SORBS2: variants seen among roughly 807,000 people sequenced by gnomAD.
The protein encoded by SORBS2 is sorbin and SH3 domain containing 2, also known as sorbin and SH3 domain-containing protein 2.
In SORBS2, 46 loss-of-function variants were observed where a neutral mutation model predicts 97.7. The observed-to-expected ratio is 0.47, with a 90% CI of 0.37 to 0.60. SORBS2 has a LOEUF of 0.60. Among genes scored for constraint, SORBS2 ranks in the 20% least tolerant of loss-of-function variants. SORBS2 has a pLI of 0.00. For synonymous variants in SORBS2, 476 were observed against 473.4 expected, an observed-to-expected ratio of 1.01 and a Z score of -0.07; for missense variants, 1,316 against 1,282.3, an observed-to-expected ratio of 1.03 and a Z score of -0.40.
chr4:185,914,560 G>A (rs1367287636), intron 1 of SORBS2, among the ~76,000 whole-genome samples: 2 of 152,140 alleles, frequency 1.3e-5, no homozygotes, highest in African/African-American at 4.8e-5. Flanking sequence ...CTGGGATTTG[G>A]GGCTGAAAGG....
intron 1 of SORBS2, among the ~76,000 whole-genome samples, chr4:185,790,427 A>G (rs986276629): frequency 4.6e-5 from 7 of 152,228 alleles, no homozygotes; most frequent in Non-Finnish European, 8.8e-5. Context: ...TGGCTCTACA[A>G]GTACAATACG....
chr4:185,665,265 A>G (rs2097579813), intron 4 of SORBS2, among the ~76,000 whole-genome samples: 1 of 152,204 alleles, frequency 6.6e-6, no homozygotes, highest in African/African-American at 2.4e-5. Context: ...AGGAACAAGA[A>G]AAATTAGCCT....
chr4:185,843,842 C>A (rs1402063307), intron 1 of SORBS2, among the ~76,000 whole-genome samples: 2 of 152,178 alleles, frequency 1.3e-5, no homozygotes, highest in Non-Finnish European at 2.9e-5. Context: ...AAAATCCCAG[C>A]AAGCTATTTT....
intron 4 of SORBS2, chr4:185,666,101 G>A (rs1228305363): frequency 7.8e-7 from 1 of 1,289,764 alleles, no homozygotes; most frequent in South Asian, 1.2e-5. Flanking sequence ...CGGTTCAAAG[G>A]TACCACGGAA....
chr4:185,871,061 T>C (rs6830105), intron 1 of SORBS2, among the ~76,000 whole-genome samples: 31,238 of 152,132 alleles, frequency 0.21, 3,962 homozygotes, highest in East Asian at 0.54. Flanking sequence ...AAGCAATTAG[T>C]ATGCACCTTT....
intron 2 of SORBS2, chr4:185,774,891 G>A (rs2098992644): frequency 6.8e-6 from 1 of 147,540 alleles, no homozygotes; most frequent in Admixed American, 6.8e-5. Flanking sequence ...TAATGCCCCT[G>A]GAAAGTTAAA....
chr4:185,893,290 C>T (rs1337883078), intron 1 of SORBS2, among the ~76,000 whole-genome samples: 2 of 152,178 alleles, frequency 1.3e-5, no homozygotes, highest in African/African-American at 4.8e-5. Context: ...ATCATAACAT[C>T]TGCGAGTGTG....
chr4:185,768,360 T>C (rs1285094489), intron 2 of SORBS2, among the ~76,000 whole-genome samples: 1 of 152,142 alleles, frequency 6.6e-6, no homozygotes, highest in Non-Finnish European at 1.5e-5. Context: ...TTCAAGACCA[T>C]ATCAAAGGCT....
chr4:185,611,499 C>CT (rs2096538276), intron 12 of SORBS2, among the ~76,000 whole-genome samples: 1 of 151,890 alleles, frequency 6.6e-6, no homozygotes, highest in African/African-American at 2.4e-5. Flanking sequence ...AGATATATAT[C>CT]ATACGAGACT....
intron 1 of SORBS2, among the ~76,000 whole-genome samples, chr4:185,786,258 A>T (rs2099055893): frequency 6.6e-6 from 1 of 152,234 alleles, no homozygotes; most frequent in Admixed American, 6.5e-5. Flanking sequence ...GATTGACATA[A>T]CAGTCTCCTT....
intron 2 of SORBS2, among the ~76,000 whole-genome samples, chr4:185,770,172 A>C (rs1011528710): frequency 2.0e-5 from 3 of 149,946 alleles, no homozygotes; most frequent in Non-Finnish European, 4.4e-5. Context: ...TCCGCCTCCC[A>C]GTTTCAAGTG....
chr4:185,638,903 G>T (rs1394357893), intron 4 of SORBS2: 1 of 1,484,898 alleles, frequency 6.7e-7, no homozygotes, highest in East Asian at 2.8e-5. Context: ...GCCGGGGCGC[G>T]CGAGCTTGGT....
chr4:185,855,447 C>G (rs1056283021), intron 1 of SORBS2, among the ~76,000 whole-genome samples: 1 of 152,062 alleles, frequency 6.6e-6, no homozygotes, highest in African/African-American at 2.4e-5. Context: ...CACTTTACAC[C>G]GAGAACACTA....
chr4:185,835,694 T>C (rs113657054), intron 1 of SORBS2, among the ~76,000 whole-genome samples: 4,503 of 149,718 alleles, frequency 0.03, 224 homozygotes, highest in African/African-American at 0.11. Context: ...TGTTCAGCTA[T>C]TGGGGACTAA....
rs990545862 is a variant in SORBS2, at chr4:185,603,624, T to C, written c.2796+8156A>G. On this transcript the variant is annotated intron_variant, in intron 12 of 14. Coordinates refer to ENST00000418609, the Ensembl canonical transcript of SORBS2. ...ACATTCAAAAGACTGAATGTGAGGGTGAGCTATTGTTTGAAGTCTGTCACC... is the reference window on the plus strand; with the variant it reads ...ACATTCAAAAGACTGAATGTGAGGGCGAGCTATTGTTTGAAGTCTGTCACC... Among the ~76,000 whole-genome samples the C allele has an allele frequency of 2.0e-5, 3 of 152,260 alleles. No homozygotes were observed. The South Asian group carries it at 6.2e-4, about 32-fold the overall frequency.
At chr4:185,784,352 G>A (rs1040431289) in intron 1 of SORBS2, among the ~76,000 whole-genome samples, 2 of 152,186 alleles carry the variant, frequency 1.3e-5, no homozygotes, top group South Asian at 2.1e-4. Flanking sequence ...GGATGGTCTC[G>A]ATCTCCTGAC....
chr4:185,598,747 G>C (rs1325183953), intron 12 of SORBS2, among the ~76,000 whole-genome samples: 1 of 151,948 alleles, frequency 6.6e-6, no homozygotes, highest in African/African-American at 2.4e-5. Flanking sequence ...TGTTTCTAGA[G>C]GCTTATTTTT....
chr4:185,673,755 T>G (rs1257771369), intron 4 of SORBS2, among the ~76,000 whole-genome samples: 1 of 152,212 alleles, frequency 6.6e-6, no homozygotes, highest in Non-Finnish European at 1.5e-5. Flanking sequence ...CCAACCACTT[T>G]CTTCCCAGTC....
At chr4:185,649,598 G>A in exon 3 of SORBS2, 1 of 1,600,720 alleles carries the variant, frequency 6.2e-7, no homozygotes, top group Non-Finnish European at 8.5e-7. Context: ...AAAGAGGTCT[G>A]TAGGTTTGGG....
Sources: allele counts gnomAD v4.1 joint callset (sites outside exome capture counted in the v4.1 genomes callset), GRCh38; gene constraint gnomAD v4.1.1; transcripts MANE v1.5; gene names NCBI Gene and HGNC (gene_info 2026-07-23, HGNC 2026-07-21).